CSMD3: variants seen among roughly 807,000 people sequenced by gnomAD.
CSMD3 encodes CUB and sushi domain-containing protein 3.
In CSMD3, 177 loss-of-function variants were observed where a neutral mutation model predicts 435.2. That is an observed-to-expected ratio of 0.41 (90% confidence interval 0.36 to 0.46). The LOEUF (loss-of-function observed/expected upper bound fraction) is 0.46. Ranked by LOEUF, CSMD3 falls within the 20% of genes least tolerant of loss-of-function variation. The probability of loss-of-function intolerance (pLI) is 0.34; values close to 1 mark genes in which losing one functional copy is unlikely to be tolerated. For synonymous variants in CSMD3, 1,656 were observed against 1,520.5 expected (o/e 1.09, Z -2.07); for missense variants, 4,265 against 4,504.6 (o/e 0.95, Z 1.52).
intron 23 of CSMD3, among the ~76,000 whole-genome samples, chr8:112,584,262 T>C (rs1213919117): frequency 1.3e-5 from 2 of 151,718 alleles, no homozygotes; most frequent in African/African-American, 4.8e-5. Flanking sequence ...GAGAGCTTTA[T>C]AAAAATCCAA....
intron 61 of CSMD3, among the ~76,000 whole-genome samples, chr8:112,256,959 G>A (rs903807627): frequency 2.0e-5 from 3 of 152,238 alleles, no homozygotes; most frequent in South Asian, 2.1e-4. Context: ...CATCTGGAAC[G>A]CATGTATACC....
At chr8:113,309,935 T>C (rs2093854518) in intron 2 of CSMD3, 1 of 152,190 alleles carries the variant, frequency 6.6e-6, no homozygotes, top group Non-Finnish European at 1.5e-5. Flanking sequence ...CTAAGGACTT[T>C]TGGGAAAGCT....
intron 27 of CSMD3, among the ~76,000 whole-genome samples, chr8:112,518,652 G>A (rs1235688613): frequency 6.6e-6 from 1 of 151,652 alleles, no homozygotes; most frequent in Non-Finnish European, 1.5e-5. Context: ...GAGAGAGAGA[G>A]AGAGGGAAAC....
intron 27 of CSMD3, among the ~76,000 whole-genome samples, chr8:112,540,176 G>GA (rs1826525112): frequency 6.6e-6 from 1 of 151,824 alleles, no homozygotes; most frequent in South Asian, 2.1e-4. Flanking sequence ...CCAGGTAAAT[G>GA]AAAAAAATGC....
intron 5 of CSMD3, among the ~76,000 whole-genome samples, chr8:113,089,434 A>T (rs896992664): frequency 3.3e-5 from 5 of 152,180 alleles, no homozygotes; most frequent in African/African-American, 1.2e-4. Flanking sequence ...TTTAGAACAT[A>T]AATCATATTA....
intron 10 of CSMD3, among the ~76,000 whole-genome samples, chr8:112,918,103 A>G (rs117821887): frequency 0.019 from 2,924 of 152,030 alleles, 39 homozygotes; most frequent in Non-Finnish European, 0.029. Context: ...ACGCCTTATA[A>G]ATCAATACAA....
chr8:112,977,097 T>C (rs532288694), intron 6 of CSMD3, among the ~76,000 whole-genome samples: 1 of 152,076 alleles, frequency 6.6e-6, no homozygotes, highest in East Asian at 1.9e-4. Flanking sequence ...TTAAAGGAGG[T>C]TGTTCATGGT....
chr8:112,815,909 T>C (rs2079362184), intron 12 of CSMD3, among the ~76,000 whole-genome samples: 1 of 152,142 alleles, frequency 6.6e-6, no homozygotes, highest in African/African-American at 2.4e-5. Flanking sequence ...AAAGTAATTC[T>C]GCGTTCCAAG....
intron 32 of CSMD3, among the ~76,000 whole-genome samples, chr8:112,409,790 C>T (rs935669654): frequency 6.6e-6 from 1 of 151,716 alleles, no homozygotes; most frequent in Non-Finnish European, 1.5e-5. Context: ...CAGAATTTAC[C>T]CAAACTAAAA....
At position 112,556,773 on chromosome 8, in the gene CSMD3, A is replaced by C. The variant is rs1828156630; in HGVS notation, c.4224T>G (p.Pro1408=). ...ATGACAGTATCCTACCAATACAGGA[A>C]GGCAGAGGATAGTCCCATGCCCTTC... The part of the protein sequence containing the change: ...GERRAWDYPL[P]SCIAECGGRF... The change falls in exon 25 of 71, where the codon CCT becomes CCG. Residue 1408 remains proline (P), a synonymous_variant. Coordinates refer to ENST00000297405, the MANE Select transcript of CSMD3 (RefSeq NM_198123.2). 1.2e-6 allele frequency: 2 copies of C among 1,605,702 alleles called. No individual in the cohort carries two copies. Among genetic ancestry groups the C allele is most frequent in the Non-Finnish European group, 1.7e-6 (2 of 1,172,786 alleles).
At chr8:112,419,235 G>T (rs1192208675) in intron 32 of CSMD3, among the ~76,000 whole-genome samples, 1 of 152,086 alleles carries the variant, frequency 6.6e-6, no homozygotes, top group Non-Finnish European at 1.5e-5. Flanking sequence ...TGCTGATTTA[G>T]CATTTTAAAA....
At chr8:112,977,619 C>T (rs2084903098) in intron 6 of CSMD3, among the ~76,000 whole-genome samples, 1 of 151,966 alleles carries the variant, frequency 6.6e-6, no homozygotes, top group African/African-American at 2.4e-5. Context: ...CTGATTCTTC[C>T]AGGTTGAGTC....
At chr8:113,279,941 T>A (rs1180523784) in intron 2 of CSMD3, among the ~76,000 whole-genome samples, 1 of 151,954 alleles carries the variant, frequency 6.6e-6, no homozygotes, top group African/African-American at 2.4e-5. Context: ...ATTTTGTTTT[T>A]AATTCTATTT....
chr8:112,710,059 C>G (rs1420254087), intron 13 of CSMD3, among the ~76,000 whole-genome samples: 1 of 152,078 alleles, frequency 6.6e-6, no homozygotes, highest in Non-Finnish European at 1.5e-5. Flanking sequence ...GAAGACAGCA[C>G]TGCAATCTCC....
At chr8:112,819,042 G>C (rs2079456213) in intron 12 of CSMD3, among the ~76,000 whole-genome samples, 1 of 152,100 alleles carries the variant, frequency 6.6e-6, no homozygotes. Context: ...ACACAGGTAT[G>C]TGGTACCCGG....
chr8:112,767,954 A>T (rs970381955), intron 13 of CSMD3, among the ~76,000 whole-genome samples: 1 of 151,760 alleles, frequency 6.6e-6, no homozygotes, highest in Non-Finnish European at 1.5e-5. Context: ...CTAGGGAAAC[A>T]AGAATATTAA....
chr8:113,151,035 C>A lies in CSMD3; in HGVS notation c.709+22687G>T, dbSNP rs557971133. Reference sequence around the variant, plus strand: ...AATTAAAAGATATCTTTTGAGAGATCAAATAATCTCCCATTAATCAATAAA... The same window carrying A: ...AATTAAAAGATATCTTTTGAGAGATAAAATAATCTCCCATTAATCAATAAA... On this transcript the variant is annotated intron_variant, in intron 4 of 70. Coordinates refer to ENST00000297405, the MANE Select transcript of CSMD3 (RefSeq NM_198123.2). Among the ~76,000 whole-genome samples, 4 of 151,952 alleles carry A rather than the reference C, an allele frequency of 2.6e-5. No individual in the cohort carries two copies. In the South Asian group the frequency reaches 8.3e-4, roughly 32 times the overall value.
At chr8:113,020,079 C>T (rs922852766) in intron 5 of CSMD3, among the ~76,000 whole-genome samples, 4 of 144,696 alleles carry the variant, frequency 2.8e-5, no homozygotes, top group Admixed American at 7.2e-5. Flanking sequence ...AGGAGAATGG[C>T]GTGAACCCGG....
chr8:112,973,302 T>A (rs1436236775), intron 7 of CSMD3, among the ~76,000 whole-genome samples: 1 of 151,918 alleles, frequency 6.6e-6, no homozygotes, highest in Non-Finnish European at 1.5e-5. Context: ...ATTAAGCAAT[T>A]GGTTTTCGGT....
Sources: gnomAD v4.1 joint callset for allele counts (sites outside exome capture counted in the v4.1 genomes callset) on GRCh38, gnomAD v4.1.1 for gene constraint, MANE v1.5 for transcripts, NCBI Gene and HGNC (gene_info 2026-07-23, HGNC 2026-07-21) for gene names.